Variants in LEMD3 observed in about 807,000 individuals in gnomAD.
The protein encoded by LEMD3 is LEM domain containing 3.
A neutral mutation model predicts 95.2 loss-of-function variants in LEMD3; 33 were observed. The ratio of observed to expected loss-of-function variants is 0.35; its 90% CI spans 0.26 to 0.46. The LOEUF (loss-of-function observed/expected upper bound fraction) is 0.46, where lower values mean the gene tolerates loss of function less well. Among genes scored for constraint, LEMD3 ranks in the 20% least tolerant of loss-of-function variants. The pLI, the probability that LEMD3 is intolerant of heterozygous loss-of-function variation, is 1.00. For synonymous variants in LEMD3, 525 were observed against 474.6 expected, an observed-to-expected ratio of 1.11 and a Z score of -1.38; for missense variants, 1,210 against 1,192.8, an observed-to-expected ratio of 1.01 and a Z score of -0.21.
chr12:65,202,287 G>C (rs1869625044), intron 1 of LEMD3, among the ~76,000 whole-genome samples: 2 of 151,996 alleles, frequency 1.3e-5, no homozygotes, highest in Admixed American at 1.3e-4. Flanking sequence ...CAAAGTGCTG[G>C]GATTACAGGC....
chr12:65,210,975 A>G lies in LEMD3; in HGVS notation c.1560+12A>G, dbSNP rs1338564779. 6.4e-7 allele frequency: 1 copy of G among 1,554,356 alleles called. No homozygotes were observed. Among genetic ancestry groups the G allele is most frequent in the Non-Finnish European group, 8.9e-7 (1 of 1,125,782 alleles). ...TTGGAAAAATACAAGTAAGTAAACG[A>G]TCATAATACTGATAATTTTGTGTCA... On this transcript the variant is annotated intron_variant, in intron 2 of 12. Transcript: ENST00000308330.
intron 1 of LEMD3, among the ~76,000 whole-genome samples, chr12:65,193,204 A>G (rs927068187): frequency 6.6e-6 from 1 of 152,214 alleles, no homozygotes; most frequent in Non-Finnish European, 1.5e-5. Context: ...GATTGAGGCA[A>G]GTTTTAAAGC....
intron 2 of LEMD3, 92 bp downstream of exon 2, chr12:65,211,055 A>G (rs569178436): frequency 3.1e-6 from 3 of 976,642 alleles, no homozygotes; most frequent in East Asian, 2.4e-5. Flanking sequence ...AAGTAATTTT[A>G]AAGTTATTTT....
At chr12:65,211,050 A>G in intron 2 of LEMD3, 87 bp downstream of exon 2, 4 of 1,000,414 alleles carry the variant, frequency 4.0e-6, no homozygotes, top group Non-Finnish European at 4.7e-6. Flanking sequence ...AAAAAAAGTA[A>G]TTTTAAAGTT....
At position 65,203,863 on chromosome 12, in the gene LEMD3, C is replaced by T. The variant is rs896217184; in HGVS notation, c.1523-7063C>T. On this transcript the variant is annotated intron_variant, in intron 1 of 12. Coordinates refer to ENST00000308330, the MANE Select transcript of LEMD3 (RefSeq NM_014319.5). ...TTGTTATGTCTTCTTAGAGAATTGA[C>T]CCCTTTGTCATTATGTAATGCTCCT... Among the ~76,000 whole-genome samples the T allele has an allele frequency of 2.0e-5, 3 of 152,170 alleles. 1 individual carries two copies. Among genetic ancestry groups the T allele is most frequent in the Admixed American group, 2.0e-4 (3 of 15,280 alleles).
chr12:65,233,500 C>T (rs1050736033), intron 4 of LEMD3, among the ~76,000 whole-genome samples: 9 of 152,138 alleles, frequency 5.9e-5, no homozygotes, highest in Non-Finnish European at 8.8e-5. Context: ...ACAATTCTTA[C>T]TGAATCAGGA....
intron 1 of LEMD3, among the ~76,000 whole-genome samples, chr12:65,181,483 T>G (rs1329801965): frequency 8.5e-5 from 13 of 152,192 alleles, no homozygotes. Flanking sequence ...CTAGCTAGCC[T>G]TCAGAATTGG....
intron 1 of LEMD3, among the ~76,000 whole-genome samples, chr12:65,201,910 G>A (rs532467023): frequency 6.6e-6 from 1 of 151,586 alleles, no homozygotes; most frequent in Non-Finnish European, 1.5e-5. Flanking sequence ...TAAACTGTAG[G>A]TGTTTCTATT....
rs142126767 is a variant in LEMD3 at position 65,237,572 on chromosome 12, C to T, written c.1696-930C>T. Among the ~76,000 whole-genome samples the T allele has an allele frequency of 4.6e-5, 7 of 152,188 alleles. No homozygotes were observed. In the East Asian group the frequency reaches 5.8e-4, roughly 13 times the overall value. The stretch of plus-strand genomic sequence containing the variant: ...ACTTTGAATGGATCTTTTACCTATG[C>T]GTGATTGGTTTTTATAAAAATCAGA... On this transcript the variant is annotated intron_variant, in intron 4 of 12. Coordinates refer to ENST00000308330, the MANE Select transcript of LEMD3 (RefSeq NM_014319.5).
intron 1 of LEMD3, among the ~76,000 whole-genome samples, chr12:65,195,745 G>A (rs139697596): frequency 2.1e-4 from 32 of 152,242 alleles, no homozygotes; most frequent in Non-Finnish European, 4.4e-4. Flanking sequence ...AGTTATATAG[G>A]TTTAAGTCAT....
intron 1 of LEMD3, among the ~76,000 whole-genome samples, chr12:65,194,029 A>G (rs1007994215): frequency 1.3e-5 from 2 of 152,136 alleles, no homozygotes; most frequent in African/African-American, 2.4e-5. Flanking sequence ...TAAACCAACA[A>G]TATTGAGCTA....
At chr12:65,198,264 A>C (rs1157109726) in intron 1 of LEMD3, among the ~76,000 whole-genome samples, 3 of 152,176 alleles carry the variant, frequency 2.0e-5, no homozygotes, top group African/African-American at 7.2e-5. Context: ...AATAAATTAT[A>C]GTATTCATTA....
chr12:65,194,374 A>G (rs1490573653), intron 1 of LEMD3, among the ~76,000 whole-genome samples: 1 of 152,118 alleles, frequency 6.6e-6, no homozygotes, highest in Admixed American at 6.6e-5. Context: ...TACTTCTCGT[A>G]TCCACCTCCC....
intron 1 of LEMD3, among the ~76,000 whole-genome samples, chr12:65,207,089 G>A (rs1326714637): frequency 6.6e-6 from 1 of 152,184 alleles, no homozygotes. Context: ...CACTCTAAAC[G>A]GTAGTGTTAT....
chr12:65,219,792 T>A (rs975311256), intron 4 of LEMD3, among the ~76,000 whole-genome samples: 3 of 152,214 alleles, frequency 2.0e-5, no homozygotes, highest in Non-Finnish European at 4.4e-5. Flanking sequence ...CTCATATAAG[T>A]TGAATCCTGC....
rs61736593 is a variant in LEMD3, at chr12:65,169,974, C to T, written c.378C>T (p.Ser126=). The part of the protein sequence containing the change: ...ESLLGGPGGA[S]AAPAAGSKVL... Reference sequence around the variant, plus strand: ...TCCTGGGAGGGCCCGGGGGCGCCTCCGCCGCCCCCGCGGCTGGCAGCAAAG... The same window carrying T: ...TCCTGGGAGGGCCCGGGGGCGCCTCTGCCGCCCCCGCGGCTGGCAGCAAAG... Residue 126 remains serine (S), a synonymous_variant, in exon 1 of 13, where the codon TCC becomes TCT. Coordinates refer to ENST00000308330, the MANE Select transcript of LEMD3 (RefSeq NM_014319.5). 12,690 of 1,464,352 alleles carry T rather than the reference C, an allele frequency of 8.7e-3. 766 individuals carry two copies. In the East Asian group the frequency reaches 0.19, roughly 22 times the overall value. The allele number at this position is 1,464,352 out of a possible 1,614,324, so 90.7% of individuals were successfully genotyped here. A position where few individuals can be genotyped will look rare whatever the true frequency, so the allele number is the denominator to read the frequency against.
intron 4 of LEMD3, among the ~76,000 whole-genome samples, chr12:65,236,008 A>T (rs1385290550): frequency 3.3e-5 from 5 of 152,214 alleles, no homozygotes; most frequent in Non-Finnish European, 5.9e-5. Context: ...TCATGTAATG[A>T]TGCCTAACAA....
chr12:65,227,736 T>A lies in LEMD3; in HGVS notation c.1695+9117T>A, dbSNP rs1162075699. Among the ~76,000 whole-genome samples the A allele has an allele frequency of 8.6e-3, 6 of 696 alleles. No individual in the cohort carries two copies. In the Non-Finnish European group the frequency reaches 0.15, roughly 17 times the overall value. 0.5% of individuals were successfully genotyped at this position (696 alleles called of 152,430 possible). ...TCTTAAAACATAAGAATTTTTGCGA[T>A]TTTTTTTTTTTTTTTTGGCTCATCA... On this transcript the variant is annotated intron_variant, in intron 4 of 12. Coordinates refer to ENST00000308330, the MANE Select transcript of LEMD3 (RefSeq NM_014319.5).
intron 1 of LEMD3, among the ~76,000 whole-genome samples, chr12:65,206,146 C>T (rs1051328154): frequency 6.6e-6 from 1 of 152,226 alleles, no homozygotes; most frequent in Non-Finnish European, 1.5e-5. Flanking sequence ...ACCCACAACC[C>T]CTTTGCTTTC....
Sources: gnomAD v4.1 joint callset for allele counts (sites outside exome capture counted in the v4.1 genomes callset) on GRCh38, gnomAD v4.1.1 for gene constraint, MANE v1.5 for transcripts, NCBI Gene and HGNC (gene_info 2026-07-23, HGNC 2026-07-21) for gene names.